Variants in LRP2 observed in about 807,000 individuals in gnomAD.
The protein encoded by LRP2 is LDL receptor related protein 2.
A neutral mutation model predicts 531.0 loss-of-function variants in LRP2; 172 were observed. The ratio of observed to expected loss-of-function variants is 0.32; its 90% CI spans 0.29 to 0.37. The LOEUF is 0.37. Ranked by LOEUF, LRP2 falls within the 10% of genes least tolerant of loss-of-function variation. The pLI, the probability that LRP2 is intolerant of heterozygous loss-of-function variation, is 1.00. For missense variants in LRP2, 5,167 were observed against 5,868.3 expected (o/e 0.88, Z 3.90); for synonymous variants, 1,992 against 2,027.6 (o/e 0.98, Z 0.47).
chr2:169,284,571 G>A (rs970593379), intron 9 of LRP2, among the ~76,000 whole-genome samples: 1 of 151,992 alleles, frequency 6.6e-6, no homozygotes, highest in East Asian at 1.9e-4. Context: ...CCAGCCCCAA[G>A]AAGGCTCTTC....
At chr2:169,238,536 T>C (rs150864013) in intron 26 of LRP2, among the ~76,000 whole-genome samples, 3 of 143,208 alleles carry the variant, frequency 2.1e-5, no homozygotes, top group Non-Finnish European at 3.0e-5. Flanking sequence ...TCTTGGGTTA[T>C]ATTTAACTGT....
At chr2:169,339,411 A>G (rs1021968132) in intron 1 of LRP2, among the ~76,000 whole-genome samples, 2 of 152,232 alleles carry the variant, frequency 1.3e-5, no homozygotes, top group Non-Finnish European at 2.9e-5. Flanking sequence ...AGTCAAGTTT[A>G]TAGGCACACA....
intron 49 of LRP2, 111 bp from the exon 50 acceptor site, chr2:169,186,130 C>G: frequency 1.1e-6 from 1 of 944,664 alleles, no homozygotes; most frequent in Non-Finnish European, 1.6e-6. Context: ...ATGAATCATG[C>G]TAAGACAGAC....
intron 1 of LRP2, among the ~76,000 whole-genome samples, chr2:169,341,145 A>T (rs1035917201): frequency 7.9e-5 from 12 of 152,194 alleles, no homozygotes; most frequent in Non-Finnish European, 1.3e-4. Context: ...AGCTACAGAT[A>T]GATGGATCTG....
chr2:169,172,999 T>C (rs1687059061), intron 57 of LRP2, 97 bp downstream of exon 57: 2 of 1,485,128 alleles, frequency 1.3e-6, no homozygotes, highest in Non-Finnish European at 1.9e-6. Flanking sequence ...AAAGAAAAGA[T>C]GACATGGGAA....
chr2:169,206,273 GTGTGTTGACCCCAT>G (rs1273506474), intron 39 of LRP2, 43 bp downstream of exon 39: 12 of 1,610,048 alleles, frequency 7.5e-6, no homozygotes, highest in Admixed American at 1.7e-5. Context: ...AGTCATCCAT[GTGTGTTGACCCCAT>G]TGTGTCTACT....
chr2:169,339,546 G>C (rs761758010), intron 1 of LRP2, among the ~76,000 whole-genome samples: 31 of 152,126 alleles, frequency 2.0e-4, no homozygotes, highest in Middle Eastern at 3.4e-3. Flanking sequence ...TATTTCAAGG[G>C]TGTTTAAGAA....
At chr2:169,360,006 T>A (rs1375934584) in intron 1 of LRP2, among the ~76,000 whole-genome samples, 1 of 151,706 alleles carries the variant, frequency 6.6e-6, no homozygotes, top group African/African-American at 2.4e-5. Context: ...GGGCTTGTAG[T>A]CCCAGCTACT....
At position 169,320,795 on chromosome 2, in the gene LRP2, C is replaced by A. The variant is rs147295930; in HGVS notation, c.169G>T (p.Ala57Ser). 6.8e-5 allele frequency: 110 copies of A among 1,614,102 alleles called. No individual in the cohort carries two copies. In the African/African-American group the frequency reaches 1.3e-3, roughly 19 times the overall value. Reference protein sequence around the residue: ...CDGTKDCSDDADEIGCAVVTC... With the variant: ...CDGTKDCSDDSDEIGCAVVTC... ...CACTTACCGCAGCCAATTTCATCCG[C>A]GTCATCTGAACAGTCTTTGGTCCCA... Residue 57 changes from alanine to serine, a missense_variant, in exon 2 of 79, where the codon GCG becomes TCG. Physicochemically the swap from Ala to Ser is moderately conservative, Grantham distance 99. Coordinates refer to ENST00000649046, the MANE Select transcript of LRP2 (RefSeq NM_004525.3).
Position 169,220,467 on chromosome 2 carries a change from C to T in LRP2, c.5635G>A (p.Asp1879Asn). Residue 1879 changes from aspartate to asparagine, a missense_variant, in exon 34 of 79, where the codon GAT (aspartate) becomes AAT (asparagine). This residue lies in a region of LRP2 where 2,811 missense variants were observed against 3,058.0 expected (regional missense o/e 0.92). Coordinates refer to ENST00000649046, the MANE Select transcript of LRP2 (RefSeq NM_004525.3). Reference protein sequence around the residue: ...GVGFPIGITVDPARGKLYWSD... With the variant: ...GVGFPIGITVNPARGKLYWSD... ...ATGAATACTCACCCACGAGCAGGAT[C>T]AACAGTTATGCCAATTGGAAAGCCA... 1 of 1,613,266 alleles carries T rather than the reference C, an allele frequency of 6.2e-7. No individual in the cohort carries two copies. The highest frequency in any genetic ancestry group is 8.5e-7 in the Non-Finnish European group (1 of 1,179,310).
At chr2:169,171,551 G>A (rs1687006675) in intron 58 of LRP2, among the ~76,000 whole-genome samples, 1 of 152,096 alleles carries the variant, frequency 6.6e-6, no homozygotes, top group African/African-American at 2.4e-5. Context: ...TCTAGGAAGG[G>A]TAATAATGCA....
intron 19 of LRP2, among the ~76,000 whole-genome samples, chr2:169,248,317 CTAAT>C (rs1451880487): frequency 6.6e-6 from 1 of 152,136 alleles, no homozygotes; most frequent in East Asian, 1.9e-4. Context: ...CTAGAAAACC[CTAAT>C]TAATCAGAAA....
chr2:169,133,640 AGTT>A (rs1473950038), intron 76 of LRP2, among the ~76,000 whole-genome samples: 1 of 152,334 alleles, frequency 6.6e-6, no homozygotes, highest in African/African-American at 2.4e-5. Flanking sequence ...CTAAGGCCAT[AGTT>A]GTTGTGACAA....
Position 169,202,823 on chromosome 2 carries a change from C to T in LRP2, c.8142G>A (p.Ser2714=), listed in dbSNP as rs1234634776. 18 of 1,614,178 alleles carry T rather than the reference C, an allele frequency of 1.1e-5. No homozygotes were observed. Among genetic ancestry groups the T allele is most frequent in the Middle Eastern group, 3.3e-4 (2 of 6,062 alleles). ...SFTCSNGRCI[S]EEWKCDNDND... ...TGTCATTATCACACTTCCACTCTTC[C>T]GAGATGCAGCGCCCATTGGAGCAGG... The change falls in exon 43 of 79, where the codon TCG becomes TCA. Residue 2714 remains serine, a synonymous_variant. Transcript: ENST00000649046.
In LRP2 at chr2:169,181,516, A is replaced by C. The variant is rs755451813; in HGVS notation, c.10101T>G (p.Pro3367=). 1 of 1,614,166 alleles carries C rather than the reference A, an allele frequency of 6.2e-7. No individual in the cohort carries two copies. Among genetic ancestry groups the C allele is most frequent in the South Asian group, 1.1e-5 (1 of 91,084 alleles). ...TGGTGTAATCAATGGTGATGCCATT[A>C]GGCCACTCTAACTTGGTGGAGATTA... The part of the protein sequence containing the change: ...SVIISTKLEW[P]NGITIDYTND... The change falls in exon 52 of 79, where the codon CCT becomes CCG. Residue 3367 remains proline, a synonymous_variant. Transcript: ENST00000649046.
chr2:169,346,932 A>G (rs942982954), intron 1 of LRP2, among the ~76,000 whole-genome samples: 2 of 152,210 alleles, frequency 1.3e-5, no homozygotes, highest in African/African-American at 4.8e-5. Context: ...TTTAAGTTCT[A>G]TCTTTGAGGC....
At chr2:169,136,317 C>G (rs869155088) in intron 76 of LRP2, among the ~76,000 whole-genome samples, 2 of 151,920 alleles carry the variant, frequency 1.3e-5, no homozygotes, top group Non-Finnish European at 2.9e-5. Context: ...GCCACCCCCC[C>G]AAAAATTTTT....
intron 3 of LRP2, among the ~76,000 whole-genome samples, chr2:169,317,538 A>G (rs1243226985): frequency 2.6e-5 from 4 of 152,326 alleles, no homozygotes; most frequent in East Asian, 3.9e-4. Context: ...TGAGCTGGGA[A>G]TTAATCAACC....
At chr2:169,134,270 T>A (rs1250306568) in intron 76 of LRP2, among the ~76,000 whole-genome samples, 9 of 152,144 alleles carry the variant, frequency 5.9e-5, no homozygotes, top group African/African-American at 2.2e-4. Context: ...ACAGTTCTCA[T>A]AACTTCCAAA....
Sources: allele counts gnomAD v4.1 joint callset (sites outside exome capture counted in the v4.1 genomes callset), GRCh38; gene constraint gnomAD v4.1.1; regional missense constraint gnomAD v4.1.1; transcripts MANE v1.5; gene names NCBI Gene and HGNC (gene_info 2026-07-23, HGNC 2026-07-21).